TENM3: variants seen among roughly 807,000 people sequenced by gnomAD.
TENM3 encodes teneurin transmembrane protein 3.
Under a neutral mutation model 255.1 loss-of-function variants are expected in TENM3, and 63 were observed. The ratio of observed to expected loss-of-function variants is 0.25; its 90% CI spans 0.20 to 0.30. The LOEUF is 0.30. TENM3 is among the 10% of genes least tolerant of loss of function. The pLI is 1.00. For synonymous variants in TENM3, 1,306 were observed against 1,322.3 expected (o/e 0.99, Z 0.27); for missense variants, 2,929 against 3,461.1 (o/e 0.85, Z 3.86).
intron 13 of TENM3, among the ~76,000 whole-genome samples, chr4:182,717,522 C>T (rs1329321396): frequency 6.6e-6 from 1 of 152,156 alleles, no homozygotes; most frequent in Non-Finnish European, 1.5e-5. Context: ...TAAGGTATCC[C>T]CCTCATCTGC....
the TENM3 span, among the ~76,000 whole-genome samples, chr4:182,032,463 G>C: frequency 6.6e-6 from 1 of 152,110 alleles, no homozygotes; most frequent in Non-Finnish European, 1.5e-5. Flanking sequence ...AGTATTTTAT[G>C]GAGGACTTTT....
intron 13 of TENM3, among the ~76,000 whole-genome samples, chr4:182,719,419 G>A (rs974726870): frequency 9.3e-5 from 14 of 151,322 alleles, no homozygotes; most frequent in African/African-American, 1.9e-4. Context: ...CCACCACCAC[G>A]CCCTGCTAAT....
intron 1 of TENM3, among the ~76,000 whole-genome samples, chr4:182,256,055 GGCCCT>G (rs2150137425): frequency 6.6e-6 from 1 of 152,186 alleles, no homozygotes; most frequent in Non-Finnish European, 1.5e-5. Context: ...CTCTGCCAAG[GGCCCT>G]GCCCACTCTT....
the TENM3 span, among the ~76,000 whole-genome samples, chr4:181,780,023 A>C: frequency 6.6e-6 from 1 of 152,026 alleles, no homozygotes; most frequent in Non-Finnish European, 1.5e-5. Context: ...CATTTTCTTA[A>C]TCCAGTCTAT....
At chr4:182,409,828 CTT>C (rs57478182) in intron 3 of TENM3, among the ~76,000 whole-genome samples, 1 of 143,754 alleles carries the variant, frequency 7.0e-6, no homozygotes, top group African/African-American at 2.5e-5. Context: ...TTTCTTTTTT[CTT>C]TTTTTTTTTT....
the TENM3 span, among the ~76,000 whole-genome samples, chr4:181,829,141 C>T: frequency 6.6e-6 from 1 of 152,138 alleles, no homozygotes; most frequent in South Asian, 2.1e-4. Context: ...TTTTGCTTCA[C>T]CTTAAATTGT....
At chr4:182,269,258 G>A (rs750369280) in intron 1 of TENM3, among the ~76,000 whole-genome samples, 4 of 152,160 alleles carry the variant, frequency 2.6e-5, no homozygotes, top group Non-Finnish European at 5.9e-5. Flanking sequence ...GAGCATGGAT[G>A]AGCGAGGCAT....
intron 3 of TENM3, among the ~76,000 whole-genome samples, chr4:182,488,905 AC>A (rs1354766620): frequency 1.3e-5 from 2 of 152,128 alleles, no homozygotes; most frequent in Admixed American, 6.5e-5. Flanking sequence ...GGGGTGAGGA[AC>A]TGAAGGACCT....
chr4:182,314,161 C>T (rs1026205690), intron 1 of TENM3, among the ~76,000 whole-genome samples: 4 of 152,176 alleles, frequency 2.6e-5, no homozygotes, highest in South Asian at 4.1e-4. Context: ...ATTAGCCGGG[C>T]GCTTTGGCAA....
intron 1 of TENM3, among the ~76,000 whole-genome samples, chr4:182,289,808 A>G (rs553707585): frequency 2.0e-5 from 3 of 152,254 alleles, no homozygotes; most frequent in African/African-American, 2.4e-5. Context: ...TCATTTTCCA[A>G]TGTCTTCAGA....
intron 3 of TENM3, chr4:182,350,033 G>GAA (rs10644033): frequency 0.72 from 109,462 of 152,202 alleles, 39,786 homozygotes; most frequent in African/African-American, 0.82. Flanking sequence ...GTTTTTCCCA[G>GAA]AAAAAAAAAA....
chr4:182,154,309 C>A (rs550395164), intron 1 of TENM3, among the ~76,000 whole-genome samples: 1 of 151,950 alleles, frequency 6.6e-6, no homozygotes, highest in Non-Finnish European at 1.5e-5. Context: ...GGATAGGAAG[C>A]TTTGTGGATA....
chr4:181,639,631 T>C, the TENM3 span, among the ~76,000 whole-genome samples: 4 of 152,134 alleles, frequency 2.6e-5, no homozygotes, highest in Admixed American at 2.0e-4. Context: ...TCCCAGCTAC[T>C]TGGGAGGCTG....
intron 3 of TENM3, among the ~76,000 whole-genome samples, chr4:182,393,646 A>G (rs980443107): frequency 5.3e-5 from 8 of 152,322 alleles, no homozygotes; most frequent in Middle Eastern, 3.4e-3. Context: ...TTTAAGATAC[A>G]GGATTTCTTT....
At chr4:181,603,120 G>A in the TENM3 span, among the ~76,000 whole-genome samples, 1 of 152,158 alleles carries the variant, frequency 6.6e-6, no homozygotes, top group Non-Finnish European at 1.5e-5. Flanking sequence ...CAACTCCTAG[G>A]AAATGAAGAG....
intron 3 of TENM3, among the ~76,000 whole-genome samples, chr4:182,579,640 A>G: frequency 6.6e-6 from 1 of 152,186 alleles, no homozygotes; most frequent in East Asian, 1.9e-4. Flanking sequence ...TTTTTAGTAG[A>G]AGAGTAATGA....
intron 3 of TENM3, among the ~76,000 whole-genome samples, chr4:182,481,841 A>T (rs1219545409): frequency 6.6e-6 from 1 of 152,220 alleles, no homozygotes; most frequent in Non-Finnish European, 1.5e-5. Context: ...ATACAATTAT[A>T]ATTTACTTCT....
chr4:182,469,328 A>T (rs183783404), intron 3 of TENM3, among the ~76,000 whole-genome samples: 1 of 152,296 alleles, frequency 6.6e-6, no homozygotes, highest in Non-Finnish European at 1.5e-5. Context: ...CACGTAATTC[A>T]TATTTCATAT....
At chr4:181,572,573 A>C in the TENM3 span, among the ~76,000 whole-genome samples, 1 of 152,014 alleles carries the variant, frequency 6.6e-6, no homozygotes, top group African/African-American at 2.4e-5. Flanking sequence ...CAATGAGTAC[A>C]TTCCTTATTG....
Sources: gnomAD v4.1 joint callset for allele counts (sites outside exome capture counted in the v4.1 genomes callset) on GRCh38, gnomAD v4.1.1 for gene constraint, MANE v1.5 for transcripts, NCBI Gene and HGNC (gene_info 2026-07-23, HGNC 2026-07-21) for gene names.